Variants in SUPT3H observed in about 807,000 individuals in gnomAD.
SUPT3H encodes the protein SPT3 homolog, SAGA and STAGA complex component, also known as transcription initiation protein SPT3 homolog.
A neutral mutation model predicts 44.3 loss-of-function variants in SUPT3H; 44 were observed. That is an observed-to-expected ratio of 0.99 (90% CI 0.78 to 1.28). The LOEUF (loss-of-function observed/expected upper bound fraction) is 1.28, where lower values mean the gene tolerates loss of function less well. Ranked by LOEUF, SUPT3H falls within the 50% of genes most tolerant of loss-of-function variation. SUPT3H has a pLI of 0.00. For missense variants in SUPT3H, 380 were observed against 387.1 expected, an observed-to-expected ratio of 0.98 and a Z score of 0.15; for synonymous variants, 124 against 125.6, an observed-to-expected ratio of 0.99 and a Z score of 0.09.
At position 44,919,913 on chromosome 6, in the gene SUPT3H, C is replaced by G. The variant is rs547084042; in HGVS notation, c.912+12740G>C. Among the ~76,000 whole-genome samples the G allele has an allele frequency of 1.3e-4, 20 of 152,152 alleles. No homozygotes were observed. The South Asian group carries it at 4.0e-3, about 30-fold the overall frequency. On this transcript the variant is annotated intron_variant, in intron 10 of 10. Transcript: ENST00000371459. ...TTATTTTTTGAGACCCAGTCTTGCTCTGTTGCCCAGGGTGGAGTGCAGTGG... is the reference window on the plus strand; with the variant it reads ...TTATTTTTTGAGACCCAGTCTTGCTGTGTTGCCCAGGGTGGAGTGCAGTGG...
chr6:45,354,441 G>A (rs192341491), intron 2 of SUPT3H, among the ~76,000 whole-genome samples: 81 of 152,166 alleles, frequency 5.3e-4, no homozygotes, highest in Admixed American at 3.3e-3. Flanking sequence ...TGTATGCCTC[G>A]CTTGGAAAGG....
At chr6:45,121,231 G>T (rs1230309406) in intron 2 of SUPT3H, among the ~76,000 whole-genome samples, 1 of 152,118 alleles carries the variant, frequency 6.6e-6, no homozygotes, top group Non-Finnish European at 1.5e-5. Flanking sequence ...AAAAATTAGA[G>T]CTTCTCTTAT....
intron 2 of SUPT3H, among the ~76,000 whole-genome samples, chr6:45,172,108 C>A (rs536612109): frequency 6.9e-6 from 1 of 145,694 alleles, no homozygotes; most frequent in Non-Finnish European, 1.5e-5. Flanking sequence ...GAGTCTCACT[C>A]TGTCGCCAGG....
At chr6:44,859,397 A>G (rs1774248898) in intron 10 of SUPT3H, among the ~76,000 whole-genome samples, 1 of 152,200 alleles carries the variant, frequency 6.6e-6, no homozygotes, top group Non-Finnish European at 1.5e-5. Flanking sequence ...TTTCAAATGG[A>G]AAGCTCCAAT....
chr6:45,230,902 A>T (rs1767914884), intron 2 of SUPT3H, among the ~76,000 whole-genome samples: 1 of 151,486 alleles, frequency 6.6e-6, no homozygotes, highest in Non-Finnish European at 1.5e-5. Flanking sequence ...AGATCTCCTG[A>T]CCTCATGATC....
chr6:44,884,792 C>T (rs1001683903), intron 10 of SUPT3H, among the ~76,000 whole-genome samples: 9 of 152,070 alleles, frequency 5.9e-5, no homozygotes, highest in Admixed American at 2.6e-4. Context: ...ACACTGTGGG[C>T]GAGCCGAAGC....
intron 5 of SUPT3H, among the ~76,000 whole-genome samples, chr6:45,007,612 T>C (rs1782892102): frequency 1.3e-5 from 2 of 152,232 alleles, no homozygotes; most frequent in South Asian, 4.1e-4. Flanking sequence ...CCACTATTGT[T>C]CTCCTTACTT....
intron 6 of SUPT3H, among the ~76,000 whole-genome samples, chr6:44,990,114 G>A (rs925178174): frequency 1.3e-5 from 2 of 152,056 alleles, no homozygotes; most frequent in Non-Finnish European, 2.9e-5. Flanking sequence ...TCTCCTAGGA[G>A]TTTTACACTT....
At chr6:45,016,104 A>C (rs901917537) in intron 4 of SUPT3H, among the ~76,000 whole-genome samples, 2 of 152,084 alleles carry the variant, frequency 1.3e-5, no homozygotes, top group African/African-American at 4.8e-5. Context: ...ACATAATTTT[A>C]TGTGCTATGC....
intron 11 of SUPT3H, among the ~76,000 whole-genome samples, chr6:44,816,990 G>A (rs754447620): frequency 6.6e-6 from 1 of 152,132 alleles, no homozygotes; most frequent in Non-Finnish European, 1.5e-5. Flanking sequence ...GAGCCCAGGA[G>A]TTCCAGGTTG....
chr6:44,877,747 T>C (rs1454196572), intron 10 of SUPT3H, among the ~76,000 whole-genome samples: 1 of 152,218 alleles, frequency 6.6e-6, no homozygotes, highest in Non-Finnish European at 1.5e-5. Context: ...CAATTTTTTT[T>C]TGTCAGTGAT....
At chr6:45,303,693 G>GAAAC (rs1265137801) in intron 2 of SUPT3H, among the ~76,000 whole-genome samples, 2 of 115,400 alleles carry the variant, frequency 1.7e-5, no homozygotes, top group African/African-American at 3.5e-5. Flanking sequence ...AAAAAAAAAA[G>GAAAC]AAACAAACAA....
chr6:44,922,655 T>C (rs1178293137), intron 10 of SUPT3H, among the ~76,000 whole-genome samples: 1 of 152,188 alleles, frequency 6.6e-6, no homozygotes, highest in Non-Finnish European at 1.5e-5. Flanking sequence ...AGAACTGATA[T>C]GTTATTTTTC....
chr6:45,111,033 C>CT (rs5875909), intron 2 of SUPT3H, among the ~76,000 whole-genome samples: 2,360 of 129,962 alleles, frequency 0.018, 32 homozygotes, highest in South Asian at 0.029. Context: ...ACAAACGATA[C>CT]TTTTTTTTTT....
chr6:44,823,053 G>A (rs1336912555), downstream of SUPT3H, among the ~76,000 whole-genome samples: 1 of 149,400 alleles, frequency 6.7e-6, no homozygotes, highest in East Asian at 2.0e-4. Flanking sequence ...GGGAGGCGGA[G>A]GTTCCTGTGA....
chr6:45,106,998 T>C (rs1233951319), intron 2 of SUPT3H, among the ~76,000 whole-genome samples: 1 of 152,178 alleles, frequency 6.6e-6, no homozygotes, highest in Non-Finnish European at 1.5e-5. Flanking sequence ...GCTTTGAAAG[T>C]TGGTAAGAAA....
At chr6:45,208,308 T>C (rs1485292495) in intron 2 of SUPT3H, among the ~76,000 whole-genome samples, 1 of 152,132 alleles carries the variant, frequency 6.6e-6, no homozygotes, top group Non-Finnish European at 1.5e-5. Flanking sequence ...TTCATGAGGC[T>C]TAAGGAAATA....
At chr6:44,978,626 A>C (rs1778669850) in intron 6 of SUPT3H, among the ~76,000 whole-genome samples, 1 of 152,200 alleles carries the variant, frequency 6.6e-6, no homozygotes. Flanking sequence ...TTTAAGTGGG[A>C]ACACAGTGTT....
At chr6:45,344,983 T>C (rs946951035) in intron 2 of SUPT3H, among the ~76,000 whole-genome samples, 2 of 152,186 alleles carry the variant, frequency 1.3e-5, no homozygotes, top group African/African-American at 4.8e-5. Context: ...TTTAGAAATC[T>C]GTTTCACCTA....
Sources: allele counts gnomAD v4.1 joint callset (sites outside exome capture counted in the v4.1 genomes callset), GRCh38; gene constraint gnomAD v4.1.1; transcripts MANE v1.5; gene names NCBI Gene and HGNC (gene_info 2026-07-23, HGNC 2026-07-21).